Variants in LTN1 observed in about 807,000 individuals in gnomAD.
LTN1 encodes listerin E3 ubiquitin protein ligase 1, also known as E3 ubiquitin-protein ligase listerin.
In LTN1, 88 loss-of-function variants were observed where a neutral mutation model predicts 201.2. That is an observed-to-expected ratio of 0.44 (90% CI 0.37 to 0.52). The LOEUF (loss-of-function observed/expected upper bound fraction) is 0.52. LTN1 is among the 20% of genes least tolerant of loss of function. LTN1 has a pLI of 0.00. For synonymous variants in LTN1, 645 were observed against 713.5 expected (o/e 0.90, Z 1.53); for missense variants, 1,752 against 2,038.7 (o/e 0.86, Z 2.71).
Position 28,956,952 on chromosome 21 carries a change from T to C in LTN1, c.2893-4A>G. On this transcript the variant is annotated splice_polypyrimidine_tract_variant and splice_region_variant and intron_variant, in intron 15 of 29. Coordinates refer to ENST00000361371, the MANE Select transcript of LTN1 (RefSeq NM_015565.3). Reference sequence around the variant, plus strand: ...CTAAAAGAGGTCTATGTAACCACTGTGAAAAGAATACGTTATATACAAAAT... The same window carrying C: ...CTAAAAGAGGTCTATGTAACCACTGCGAAAAGAATACGTTATATACAAAAT... 6.5e-7 allele frequency: 1 copy of C among 1,548,924 alleles called. No individual in the cohort carries two copies. The highest frequency in any genetic ancestry group is 8.8e-7 in the Non-Finnish European group (1 of 1,140,992).
intron 8 of LTN1, 94 bp downstream of exon 8, chr21:28,970,457 TA>T: frequency 2.3e-6 from 2 of 851,172 alleles, no homozygotes; most frequent in South Asian, 1.6e-5. Context: ...TAATGAATAG[TA>T]AAACAACTTG....
intron 6 of LTN1, among the ~76,000 whole-genome samples, chr21:28,977,755 C>T (rs1318582872): frequency 5.3e-5 from 8 of 151,682 alleles, no homozygotes; most frequent in African/African-American, 1.5e-4. Context: ...GACAAAACCC[C>T]GTCTCTACTA....
chr21:28,971,679 C>A (rs917272088), intron 6 of LTN1, among the ~76,000 whole-genome samples: 1 of 152,138 alleles, frequency 6.6e-6, no homozygotes, highest in African/African-American at 2.4e-5. Flanking sequence ...TTGACTGAAG[C>A]AAACACAAAT....
At chr21:28,958,003 A>T (rs889150088) in intron 14 of LTN1, among the ~76,000 whole-genome samples, 29 of 152,340 alleles carry the variant, frequency 1.9e-4, no homozygotes, top group Admixed American at 7.8e-4. Context: ...TTTACTGTCT[A>T]TAAGTTATGA....
chr21:28,945,629 C>A (rs1385590185), intron 21 of LTN1, among the ~76,000 whole-genome samples, 178 bp downstream of exon 21: 1 of 152,172 alleles, frequency 6.6e-6, no homozygotes, highest in African/African-American at 2.4e-5. Context: ...CATTAAAAAT[C>A]TATCATTTTA....
chr21:28,963,785 T>C (rs540765360), intron 11 of LTN1, among the ~76,000 whole-genome samples: 1 of 152,344 alleles, frequency 6.6e-6, no homozygotes, highest in African/African-American at 2.4e-5. Flanking sequence ...TTAGATGCCA[T>C]TAAGACATTC....
chr21:28,931,458 C>G, intron 28 of LTN1, 136 bp from the exon 29 acceptor site: 1 of 565,766 alleles, frequency 1.8e-6, no homozygotes, highest in Non-Finnish European at 3.1e-6. Context: ...TGTCTCCCAA[C>G]TTATGAATGT....
At chr21:28,972,130 G>T (rs1423024251) in intron 6 of LTN1, among the ~76,000 whole-genome samples, 1 of 152,078 alleles carries the variant, frequency 6.6e-6, no homozygotes, top group Non-Finnish European at 1.5e-5. Flanking sequence ...CTTACAAAAG[G>T]GTATGAGAGA....
chr21:28,941,213 T>G lies in LTN1; in HGVS notation c.4482+7A>C. ...GAACTATCGAAAGTTGTCACATATTTATTTACCTGTGATGATGCAGCTTTG... is the reference window on the plus strand; with the variant it reads ...GAACTATCGAAAGTTGTCACATATTGATTTACCTGTGATGATGCAGCTTTG... On this transcript the variant is annotated splice_region_variant and intron_variant, in intron 25 of 29. Coordinates refer to ENST00000361371, the MANE Select transcript of LTN1 (RefSeq NM_015565.3). 1 of 1,602,244 alleles carries G rather than the reference T, an allele frequency of 6.2e-7. No individual in the cohort carries two copies. Among genetic ancestry groups the G allele is most frequent in the South Asian group, 1.1e-5 (1 of 90,188 alleles).
At chr21:28,971,232 T>C (rs2146303853) in intron 7 of LTN1, 39 bp downstream of exon 7, 1 of 1,484,420 alleles carries the variant, frequency 6.7e-7, no homozygotes, top group South Asian at 1.3e-5. Flanking sequence ...ATCTCATAGG[T>C]TCATTCCTCA....
In LTN1 at chr21:28,934,201, C is replaced by G. The variant is rs148321885; in HGVS notation, c.4875+908G>C. Among the ~76,000 whole-genome samples the G allele has an allele frequency of 5.4e-3, 825 of 152,282 alleles. 24 individuals are homozygous for G. The highest frequency in any genetic ancestry group is 0.049 in the Admixed American group (743 of 15,300). ...TATTAGACTGTATGTTATTACAGGACAAGAATCTGGTCCTACTAAACTGTT... is the reference window on the plus strand; with the variant it reads ...TATTAGACTGTATGTTATTACAGGAGAAGAATCTGGTCCTACTAAACTGTT... On this transcript the variant is annotated intron_variant, in intron 27 of 29. Transcript: ENST00000361371.
intron 1 of LTN1, among the ~76,000 whole-genome samples, chr21:28,988,482 A>G (rs2084718663): frequency 6.6e-6 from 1 of 151,156 alleles, no homozygotes; most frequent in Non-Finnish European, 1.5e-5. Context: ...AAAAAAAAAA[A>G]TTCCTAATAC....
chr21:28,988,923 C>T (rs1024319486), intron 1 of LTN1, among the ~76,000 whole-genome samples: 2 of 151,550 alleles, frequency 1.3e-5, no homozygotes, highest in African/African-American at 4.9e-5. Flanking sequence ...CGAGATTGCG[C>T]CATTGCACTC....
intron 9 of LTN1, among the ~76,000 whole-genome samples, chr21:28,969,020 C>T (rs991358194): frequency 1.3e-5 from 2 of 151,612 alleles, no homozygotes; most frequent in African/African-American, 4.8e-5. Context: ...CAGCAGTTCT[C>T]GACCAGCCTG....
chr21:28,957,087 C>CA (rs2146286119), intron 15 of LTN1, 139 bp from the exon 16 acceptor site: 1 of 678,066 alleles, frequency 1.5e-6, no homozygotes, highest in African/African-American at 1.8e-5. Flanking sequence ...AAATTATCAA[C>CA]ATGTGTATTT....
At position 28,928,299 on chromosome 21, in the gene LTN1, ACAAT is replaced by A. The variant is rs1345664868; in HGVS notation, c.*2145_*2148del. On this transcript the variant is annotated 3_prime_UTR_variant, in exon 30 of 30. Transcript: ENST00000361371. ...AATTTTAATGGGCACATATGGTATA[ACAAT>A]CAAATAATAACATTAATTACTTGCA... 1.3e-5 allele frequency: 2 copies of A among 152,648 alleles called. No homozygotes were observed. Among genetic ancestry groups the A allele is most frequent in the Non-Finnish European group, 2.9e-5 (2 of 68,036 alleles). The allele number at this position is 152,648 out of a possible 1,614,324, so 9.5% of individuals were successfully genotyped here.
At chr21:28,970,285 T>G (rs531346488) in intron 8 of LTN1, among the ~76,000 whole-genome samples, 57 of 152,358 alleles carry the variant, frequency 3.7e-4, no homozygotes, top group African/African-American at 1.3e-3. Flanking sequence ...CACATTCTGC[T>G]GTTAAAAAAA....
intron 25 of LTN1, among the ~76,000 whole-genome samples, chr21:28,937,773 G>T (rs2146260048): frequency 6.6e-6 from 1 of 152,202 alleles, no homozygotes; most frequent in South Asian, 2.1e-4. Flanking sequence ...GATCTGGGAT[G>T]CTCAACCAGT....
chr21:28,992,393 C>T (rs1296129918), intron 1 of LTN1, among the ~76,000 whole-genome samples: 1 of 152,200 alleles, frequency 6.6e-6, no homozygotes, highest in Non-Finnish European at 1.5e-5. Context: ...GTAACCTCCA[C>T]AGTGGATTCA....
Sources: gnomAD v4.1 joint callset for allele counts (sites outside exome capture counted in the v4.1 genomes callset) on GRCh38, gnomAD v4.1.1 for gene constraint, MANE v1.5 for transcripts, NCBI Gene and HGNC (gene_info 2026-07-23, HGNC 2026-07-21) for gene names.